Variants in YWHAQ observed in about 807,000 individuals in gnomAD.
YWHAQ encodes tyrosine 3-monooxygenase/tryptophan 5-monooxygenase activation protein theta.
YWHAQ carries 6 observed loss-of-function variants against 28.3 expected under a neutral mutation model. The ratio of observed to expected loss-of-function variants is 0.21; its 90% confidence interval spans 0.12 to 0.42. The LOEUF is 0.42. YWHAQ is among the 10% of genes least tolerant of loss of function. The pLI, the probability that YWHAQ is intolerant of heterozygous loss-of-function variation, is 1.00. For missense variants in YWHAQ, 201 were observed against 305.6 expected (o/e 0.66, Z 2.55); for synonymous variants, 143 against 119.1 (o/e 1.20, Z -1.31).
chr2:9,595,726 A>G (rs1354842510), intron 2 of YWHAQ, among the ~76,000 whole-genome samples: 3 of 150,000 alleles, frequency 2.0e-5, no homozygotes, highest in Admixed American at 6.7e-5. Flanking sequence ...AAAAGTCACC[A>G]GACGGGAGTA....
Position 9,602,829 on chromosome 2 carries a change from TAAAAAAAAAAAAAAAAA to T in YWHAQ, c.295-11331_295-11315del, listed in dbSNP as rs869073430. Among the ~76,000 whole-genome samples the T allele has an allele frequency of 6.1e-3, 226 of 36,992 alleles. 1 individual carries two copies. Among genetic ancestry groups the T allele is most frequent in the South Asian group, 9.2e-3 (5 of 544 alleles). The allele number at this position is 36,992 out of a possible 152,430, so 24.3% of individuals were successfully genotyped here. A position where few individuals can be genotyped will look rare whatever the true frequency, so the allele number is the denominator to read the frequency against. On this transcript the variant is annotated intron_variant, in intron 2 of 5. Transcript: ENST00000238081. ...CAGGTGTGAACCACCATGCCTAATT[TAAAAAAAAAAAAAAAAA>T]AAAAAAAAAAAAAAAAATATATATA...
chr2:9,617,961 A>G (rs1158526940), intron 2 of YWHAQ, among the ~76,000 whole-genome samples: 1 of 152,070 alleles, frequency 6.6e-6, no homozygotes, highest in Non-Finnish European at 1.5e-5. Flanking sequence ...AAGCTACAAC[A>G]CAAATAAACC....
intron 2 of YWHAQ, among the ~76,000 whole-genome samples, chr2:9,607,966 C>T (rs867468905): frequency 6.6e-6 from 1 of 152,030 alleles, no homozygotes; most frequent in African/African-American, 2.4e-5. Context: ...CCTCAGCCTC[C>T]CAAAGTGCTG....
At chr2:9,589,920 GTAAGAGAAT>G (rs1214650137) in intron 3 of YWHAQ, among the ~76,000 whole-genome samples, 1 of 152,128 alleles carries the variant, frequency 6.6e-6, no homozygotes, top group Non-Finnish European at 1.5e-5. Flanking sequence ...AGATACTGAC[GTAAGAGAAT>G]TAAGCTATCC....
Position 9,585,310 on chromosome 2 carries a change from A to T in YWHAQ, c.714T>A (p.Asp238Glu), listed in dbSNP as rs1455995513. 6.2e-7 allele frequency: 1 copy of T among 1,614,172 alleles called. No homozygotes were observed. The highest frequency in any genetic ancestry group is 8.5e-7 in the Non-Finnish European group (1 of 1,180,000). Residue 238 changes from aspartate to glutamate, a missense_variant, in exon 6 of 6, where the codon GAT becomes GAA. This residue lies in a region of YWHAQ where 39 missense variants were observed against 91.7 expected (regional missense o/e 0.43). Coordinates refer to ENST00000238081, the MANE Select transcript of YWHAQ (RefSeq NM_006826.4). The part of the protein sequence containing the change: ...WTSDSAGEEC[D>E]AAEGAEN ...TTTAGTTTTCAGCCCCTTCTGCCGC[A>T]TCACATTCTTCTCCTGCACTGTCTG... is the stretch of plus-strand genomic sequence containing the variant.
chr2:9,594,430 G>C (rs999030551), intron 2 of YWHAQ, among the ~76,000 whole-genome samples: 3 of 152,128 alleles, frequency 2.0e-5, no homozygotes, highest in Non-Finnish European at 4.4e-5. Context: ...AGGCAATAGT[G>C]AGATAGTCAC....
intron 5 of YWHAQ, among the ~76,000 whole-genome samples, chr2:9,586,044 A>T (rs1666337908): frequency 6.6e-6 from 1 of 152,368 alleles, no homozygotes; most frequent in African/African-American, 2.4e-5. Flanking sequence ...TTACAGACTA[A>T]TAAAGCAAAA....
intron 2 of YWHAQ, among the ~76,000 whole-genome samples, chr2:9,611,892 C>T (rs1572999709): frequency 6.6e-6 from 1 of 152,246 alleles, no homozygotes; most frequent in East Asian, 1.9e-4. Flanking sequence ...TGGTCTCAAA[C>T]TCCTGGGCTC....
At chr2:9,621,163 T>A (rs1667135086) in intron 2 of YWHAQ, among the ~76,000 whole-genome samples, 1 of 152,172 alleles carries the variant, frequency 6.6e-6, no homozygotes, top group African/African-American at 2.4e-5. Context: ...TTTGTTAAAG[T>A]TATTTTATTT....
chr2:9,603,394 C>T (rs991080887), intron 2 of YWHAQ, among the ~76,000 whole-genome samples: 4 of 151,570 alleles, frequency 2.6e-5, no homozygotes, highest in Admixed American at 6.6e-5. Flanking sequence ...CTCAGCCTCC[C>T]GAGTAACTGG....
chr2:9,595,187 A>G (rs1199322269), intron 2 of YWHAQ, among the ~76,000 whole-genome samples: 1 of 152,240 alleles, frequency 6.6e-6, no homozygotes, highest in Admixed American at 6.5e-5. Context: ...TACTATCAGT[A>G]GTAAAGATGT....
At chr2:9,627,153 T>C (rs576158749) in intron 2 of YWHAQ, among the ~76,000 whole-genome samples, 2 of 152,340 alleles carry the variant, frequency 1.3e-5, no homozygotes, top group South Asian at 4.1e-4. Context: ...ACCGTGATTA[T>C]CAAAAGGGTT....
intron 2 of YWHAQ, among the ~76,000 whole-genome samples, chr2:9,629,701 G>C (rs543977295): frequency 6.6e-6 from 1 of 152,302 alleles, no homozygotes; most frequent in Non-Finnish European, 1.5e-5. Context: ...TATCTGTTCA[G>C]ATTTTCTAAG....
At chr2:9,606,550 G>A (rs1438815827) in intron 2 of YWHAQ, among the ~76,000 whole-genome samples, 1 of 152,294 alleles carries the variant, frequency 6.6e-6, no homozygotes, top group East Asian at 1.9e-4. Context: ...TATTTTTTGA[G>A]ACGGAGTCTC....
chr2:9,617,030 G>A (rs1456797174), intron 2 of YWHAQ, among the ~76,000 whole-genome samples: 6 of 151,862 alleles, frequency 4.0e-5, no homozygotes, highest in African/African-American at 1.2e-4. Context: ...GAGTGATCTC[G>A]GCTCACTGCA....
At chr2:9,609,395 A>G (rs983869443) in intron 2 of YWHAQ, among the ~76,000 whole-genome samples, 6 of 152,214 alleles carry the variant, frequency 3.9e-5, no homozygotes, top group African/African-American at 1.2e-4. Context: ...AGAATAAAGA[A>G]TAAGACAAAA....
At position 9,630,485 on chromosome 2, in the gene YWHAQ, C is replaced by T. The variant is rs762217816; in HGVS notation, c.-33G>A. The stretch of plus-strand genomic sequence containing the variant: ...GCGGGGCCGGGGCCGGGGCGGAGGG[C>T]GAGGAGAGCGAGGGCGAGCGCCGAC... On this transcript the variant is annotated 5_prime_UTR_variant, in exon 2 of 6. Coordinates refer to ENST00000238081, the MANE Select transcript of YWHAQ (RefSeq NM_006826.4). The surrounding 1 kb of genome is among the most constrained non-coding windows in gnomAD (Gnocchi z 5.6). 18 of 1,233,992 alleles carry T rather than the reference C, an allele frequency of 1.5e-5. No individual in the cohort carries two copies. The South Asian group carries it at 2.3e-4, about 16-fold the overall frequency. 76.4% of individuals were successfully genotyped at this position (1,233,992 alleles called of 1,614,324 possible). A position where few individuals can be genotyped will look rare whatever the true frequency, so the allele number is the denominator to read the frequency against.
chr2:9,625,060 AAAC>A (rs1161282678), intron 2 of YWHAQ, among the ~76,000 whole-genome samples: 8 of 152,068 alleles, frequency 5.3e-5, no homozygotes, highest in African/African-American at 1.7e-4. Context: ...ATTCTTTAAA[AAAC>A]AACAACAAAA....
intron 2 of YWHAQ, among the ~76,000 whole-genome samples, chr2:9,625,341 A>G (rs184647589): frequency 2.0e-5 from 3 of 152,220 alleles, no homozygotes; most frequent in East Asian, 3.9e-4. Context: ...CACAACGTCA[A>G]TGAGTTTTTA....
Sources: allele counts gnomAD v4.1 joint callset (sites outside exome capture counted in the v4.1 genomes callset), GRCh38; gene constraint gnomAD v4.1.1; regional missense constraint gnomAD v4.1.1; non-coding constraint Gnocchi (gnomAD v3.1); transcripts MANE v1.5; gene names NCBI Gene and HGNC (gene_info 2026-07-23, HGNC 2026-07-21).